ZP2: variants seen among roughly 807,000 people sequenced by gnomAD.
ZP2 encodes zona pellucida glycoprotein 2.
In ZP2, 51 loss-of-function variants were observed where a neutral mutation model predicts 84.0. That is an observed-to-expected ratio of 0.61 (90% confidence interval 0.49 to 0.77). The LOEUF (loss-of-function observed/expected upper bound fraction) is 0.77. Among genes scored for constraint, ZP2 ranks in the 30% least tolerant of loss-of-function variants. The probability of loss-of-function intolerance (pLI) is 0.00; values close to 1 mark genes in which losing one functional copy is unlikely to be tolerated. For synonymous variants in ZP2, 375 were observed against 330.9 expected (o/e 1.13, Z -1.45); for missense variants, 909 against 911.9 (o/e 1.00, Z 0.04).
chr16:21,206,700 T>A, intron 5 of ZP2, 138 bp downstream of exon 5: 1 of 1,158,488 alleles, frequency 8.6e-7, no homozygotes, highest in Non-Finnish European at 1.2e-6. Context: ...CAGGGTAAAG[T>A]TAAACCTCAT....
rs185927357 is a variant in ZP2 at position 21,210,065 on chromosome 16, T to G, written c.235+44A>C. On this transcript the variant is annotated intron_variant, in intron 3 of 18. Transcript: ENST00000574091. The stretch of plus-strand genomic sequence containing the variant: ...AACAGGATTGACCTAAGCCAAAGGC[T>G]GTCTGCTAATCAGGACTATGAGGAG... 3.7e-4 allele frequency: 579 copies of G among 1,563,674 alleles called. 2 individuals are homozygous for G. In the African/African-American group the frequency reaches 6.3e-3, roughly 17 times the overall value.
At chr16:21,203,368 C>T (rs1050837963) in intron 9 of ZP2, 117 bp from the exon 10 acceptor site, 2 of 1,398,596 alleles carry the variant, frequency 1.4e-6, no homozygotes, top group African/African-American at 1.4e-5. Flanking sequence ...CTTATCTGGG[C>T]TCCCTTTAAA....
At position 21,199,637 on chromosome 16, in the gene ZP2, AC is replaced by A; in HGVS notation, c.1859del (p.Cys620LeufsTer13). On this transcript the variant is annotated frameshift_variant, in exon 16 of 19. Coordinates refer to ENST00000574091, the MANE Select transcript of ZP2 (RefSeq NM_001376232.1). LOFTEE classifies it high-confidence loss of function. ...LVYFHCSALI[C>X]NRLSPDSPLC... The stretch of plus-strand genomic sequence containing the variant: ...GTGGGGAGTCAGGGGAGAGTCGATT[AC>A]AGATTAAGGCACTGCAGTGGAAGTA... 5 of 1,520,582 alleles carry A rather than the reference AC, an allele frequency of 3.3e-6. No homozygotes were observed. The highest frequency in any genetic ancestry group is 3.6e-6 in the Non-Finnish European group (4 of 1,101,290). 94.2% of individuals were successfully genotyped at this position (1,520,582 alleles called of 1,614,324 possible).
In ZP2 at chr16:21,204,157, C is replaced by T. The variant is rs369091148; in HGVS notation, c.845G>A (p.Gly282Glu). 6.2e-7 allele frequency: 1 copy of T among 1,614,122 alleles called. No homozygotes were observed. The highest frequency in any genetic ancestry group is 8.5e-7 in the Non-Finnish European group (1 of 1,180,020). ...TTCAAAGCTCACAGACTTAAGCTTCCCAGGAAACTCTGGTATGGTGAGAGT... is the reference window on the plus strand; with the variant it reads ...TTCAAAGCTCACAGACTTAAGCTTCTCAGGAAACTCTGGTATGGTGAGAGT... ...HMTLTIPEFP[G>E]KLKSVSFENQ... Residue 282 changes from glycine (G) to glutamate (E), a missense_variant, in exon 9 of 19, where the codon GGG becomes GAG. Physicochemically the swap from Gly to Glu is moderately conservative, Grantham distance 98. Transcript: ENST00000574091.
rs2152854142 is a variant in ZP2, at chr16:21,197,772, A to T, written c.2089T>A (p.Ser697Thr). ...SRSETGEEVG[S>T]RGAMDTKGHK... Reference sequence around the variant, plus strand: ...CAACATTGAATAAACTTACCTCGTGAGCCAACCTCCTCCCCTGTTTCACTC... The same window carrying T: ...CAACATTGAATAAACTTACCTCGTGTGCCAACCTCCTCCCCTGTTTCACTC... The change falls in exon 18 of 19, where the codon TCA becomes ACA. Residue 697 changes from serine to threonine, a missense_variant. By Grantham distance (58) the Ser-to-Thr change is moderately conservative. Transcript: ENST00000574091. 6.2e-7 allele frequency: 1 copy of T among 1,614,164 alleles called. No individual in the cohort carries two copies. The highest frequency in any genetic ancestry group is 1.6e-4 in the Middle Eastern group (1 of 6,062).
chr16:21,206,894 C>T lies in ZP2; in HGVS notation c.427G>A (p.Val143Ile). Reference protein sequence around the residue: ...MYQFFCPAMQVEETQGLSAST... With the variant: ...MYQFFCPAMQIEETQGLSAST... Reference sequence around the variant, plus strand: ...GCTGAAAGCCCCTGGGTCTCTTCTACTTGCATAGCTGGACAGAAGAACTGA... The same window carrying T: ...GCTGAAAGCCCCTGGGTCTCTTCTATTTGCATAGCTGGACAGAAGAACTGA... The change falls in exon 5 of 19, where the codon GTA (valine) becomes ATA (isoleucine). Residue 143 changes from valine (V) to isoleucine (I), a missense_variant. Transcript: ENST00000574091. 1.2e-6 allele frequency: 2 copies of T among 1,614,156 alleles called. No homozygotes were observed. The highest frequency in any genetic ancestry group is 3.3e-5 in the Admixed American group (2 of 60,008).
intron 10 of ZP2, 57 bp from the exon 11 acceptor site, chr16:21,202,348 T>C (rs956039565): frequency 7.1e-7 from 1 of 1,408,416 alleles, no homozygotes; most frequent in Non-Finnish European, 9.4e-7. Flanking sequence ...GATACTGTCA[T>C]CTCCCAACCT....
intron 2 of ZP2, among the ~76,000 whole-genome samples, chr16:21,210,812 T>C (rs1249742563): frequency 6.6e-6 from 1 of 151,778 alleles, no homozygotes; most frequent in Non-Finnish European, 1.5e-5. Context: ...TGAGCTCAGG[T>C]GATCTGCCCG....
rs758290136 is a variant in ZP2 at position 21,197,842 on chromosome 16, G to T, written c.2019C>A (p.Gly673=). ...LSDDSSFRGV[G]SSDLKASGSS... ...TCCCACTTGCTTTTAGATCAGATGA[G>T]CCGACACCTGGGAAGAACCTGAGAG... The change falls in exon 18 of 19, where the codon GGC becomes GGA. Residue 673 remains glycine, a synonymous_variant. Coordinates refer to ENST00000574091, the MANE Select transcript of ZP2 (RefSeq NM_001376232.1). The T allele has an allele frequency of 2.8e-5, 45 of 1,613,970 alleles. No homozygotes were observed. Among genetic ancestry groups the T allele is most frequent in the Non-Finnish European group, 3.5e-5 (41 of 1,180,014 alleles).
rs778080370 is a variant in ZP2, at chr16:21,197,771, G to A, written c.2090C>T (p.Ser697Leu). The change falls in exon 18 of 19, where the codon TCA becomes TTA. Residue 697 changes from serine (S) to leucine (L), a missense_variant. By Grantham distance (145) the Ser-to-Leu change is moderately radical. Coordinates refer to ENST00000574091, the MANE Select transcript of ZP2 (RefSeq NM_001376232.1). The part of the protein sequence containing the change: ...SRSETGEEVG[S>L]RGAMDTKGHK... ...GCAACATTGAATAAACTTACCTCGT[G>A]AGCCAACCTCCTCCCCTGTTTCACT... 1.9e-6 allele frequency: 3 copies of A among 1,614,102 alleles called. No individual in the cohort carries two copies. The highest frequency in any genetic ancestry group is 2.2e-5 in the South Asian group (2 of 91,076).
chr16:21,212,573 C>T (rs2093279348), upstream of ZP2, among the ~76,000 whole-genome samples: 1 of 152,152 alleles, frequency 6.6e-6, no homozygotes, highest in Non-Finnish European at 1.5e-5. Flanking sequence ...TTTAGGGTGG[C>T]ATAATATTCA....
At chr16:21,212,321 G>T (rs2093278566), upstream of ZP2, among the ~76,000 whole-genome samples, 1 of 152,080 alleles carries the variant, frequency 6.6e-6, no homozygotes, top group Non-Finnish European at 1.5e-5. Flanking sequence ...ATGAAGCCTT[G>T]TTGACCCCCA....
chr16:21,210,782 C>A (rs1461907461), intron 2 of ZP2, among the ~76,000 whole-genome samples: 7 of 152,018 alleles, frequency 4.6e-5, no homozygotes, highest in Admixed American at 4.6e-4. Flanking sequence ...ACCACATTGG[C>A]CAGGCTGGTC....
chr16:21,205,387 T>G, intron 7 of ZP2, 33 bp downstream of exon 7: 1 of 1,609,416 alleles, frequency 6.2e-7, no homozygotes, highest in Non-Finnish European at 8.5e-7. Flanking sequence ...TGGCCTGTGC[T>G]TTGGTGGTAC....
At chr16:21,203,455 C>T (rs1294525945) in intron 9 of ZP2, among the ~76,000 whole-genome samples, 1 of 152,088 alleles carries the variant, frequency 6.6e-6, no homozygotes, top group Non-Finnish European at 1.5e-5. Flanking sequence ...AAACTCATGC[C>T]CTGGAGTACC....
chr16:21,203,166 A>C lies in ZP2; in HGVS notation c.1058T>G (p.Val353Gly), dbSNP rs750043129. 1.9e-6 allele frequency: 3 copies of C among 1,613,874 alleles called. No individual in the cohort carries two copies. Among genetic ancestry groups the C allele is most frequent in the South Asian group, 2.2e-5 (2 of 91,076 alleles). The change falls in exon 10 of 19, where the codon GTG becomes GGG. Residue 353 changes from valine (V) to glycine (G), a missense_variant. Physicochemically the swap from Val to Gly is moderately radical, Grantham distance 109. Coordinates refer to ENST00000574091, the MANE Select transcript of ZP2 (RefSeq NM_001376232.1). ...CTCACAGAGACACTCAGGATAGATC[A>C]CCATGGATACTGTCTCTGGCCGAAG... Reference protein sequence around the residue: ...FLLRPETVSMVIYPECLCESP... With the variant: ...FLLRPETVSMGIYPECLCESP...
upstream of ZP2, among the ~76,000 whole-genome samples, chr16:21,212,333 G>C (rs3759984): frequency 0.26 from 38,828 of 152,044 alleles, 5,230 homozygotes; most frequent in South Asian, 0.38. Flanking sequence ...TGACCCCCAA[G>C]TGTAAAAGCT....
chr16:21,201,140 A>T (rs2093222932), intron 14 of ZP2, among the ~76,000 whole-genome samples: 1 of 151,908 alleles, frequency 6.6e-6, no homozygotes, highest in South Asian at 2.1e-4. Flanking sequence ...CAGGGGCTAC[A>T]GTGAGCTAAG....
intron 2 of ZP2, 89 bp downstream of exon 2, chr16:21,211,218 A>C: frequency 8.6e-7 from 1 of 1,159,572 alleles, no homozygotes; most frequent in Non-Finnish European, 1.3e-6. Flanking sequence ...AGGTTGTCTG[A>C]GCCAGGCCTG....
Sources: allele counts gnomAD v4.1 joint callset (sites outside exome capture counted in the v4.1 genomes callset), GRCh38; gene constraint gnomAD v4.1.1; transcripts MANE v1.5; gene names NCBI Gene and HGNC (gene_info 2026-07-23, HGNC 2026-07-21).